Variants in NLRC5 observed in about 807,000 individuals in gnomAD.
NLRC5 encodes protein NLRC5.
In NLRC5, 114 loss-of-function variants were observed where a neutral mutation model predicts 206.9. That is an observed-to-expected ratio of 0.55 (90% CI 0.47 to 0.64). The LOEUF is 0.64. Among genes scored for constraint, NLRC5 ranks in the 30% least tolerant of loss-of-function variants. The pLI, the probability that NLRC5 is intolerant of heterozygous loss-of-function variation, is 0.00. For synonymous variants in NLRC5, 952 were observed against 962.8 expected (o/e 0.99, Z 0.21); for missense variants, 2,008 against 2,305.5 (o/e 0.87, Z 2.64).
At position 57,047,624 on chromosome 16, in the gene NLRC5, C is replaced by T. The variant is rs775211935; in HGVS notation, c.3418C>T (p.Leu1140=). ...GAAGGACTGCCCGGGACCCCTGGAA[C>T]TGCAGTAAGTAACGAGGACACAGCC... ...TLKDCPGPLE[L]QLSCEFLSDQ... Residue 1140 remains leucine, a synonymous_variant, in exon 23 of 49, where the codon CTG becomes TTG. Coordinates refer to ENST00000688547, the MANE Select transcript of NLRC5 (RefSeq NM_001384950.1). The T allele has an allele frequency of 6.2e-7, 1 of 1,612,624 alleles. No individual in the cohort carries two copies. Among genetic ancestry groups the T allele is most frequent in the Non-Finnish European group, 8.5e-7 (1 of 1,179,332 alleles).
Position 57,080,481 on chromosome 16 carries a change from ATT to A in NLRC5, c.5322-597_5322-596del, listed in dbSNP as rs34595999. Among the ~76,000 whole-genome samples the A allele has an allele frequency of 9.4e-4, 105 of 111,156 alleles. 2 individuals carry two copies. Among genetic ancestry groups the A allele is most frequent in the Admixed American group, 2.3e-3 (21 of 9,066 alleles). The allele number at this position is 111,156 out of a possible 152,430, so 72.9% of individuals were successfully genotyped here. On this transcript the variant is annotated intron_variant, in intron 46 of 48. Coordinates refer to ENST00000688547, the MANE Select transcript of NLRC5 (RefSeq NM_001384950.1). Reference sequence around the variant, plus strand: ...GTAGCAATAAAAGTTTCCTTTCAAGATTTTTTTTTTTTTTTTTTTTTGAGATG... The same window carrying A: ...GTAGCAATAAAAGTTTCCTTTCAAGATTTTTTTTTTTTTTTTTTTGAGATG...
At chr16:56,997,644 G>A (rs978224120) in intron 1 of NLRC5, among the ~76,000 whole-genome samples, 6 of 151,970 alleles carry the variant, frequency 3.9e-5, no homozygotes, top group Non-Finnish European at 7.4e-5. Context: ...ACAATATCAC[G>A]GCTTACTGCG....
In NLRC5 at chr16:57,082,783, T is replaced by C. The variant is rs1404961181; in HGVS notation, c.*255T>C. On this transcript the variant is annotated 3_prime_UTR_variant, in exon 49 of 49. Coordinates refer to ENST00000688547, the MANE Select transcript of NLRC5 (RefSeq NM_001384950.1). ...TCAATTGGGGACATGCGACACACAA[T>C]GAGGGTGTCATGACAATGCATGACA... 2 of 390,080 alleles carry C rather than the reference T, an allele frequency of 5.1e-6. No homozygotes were observed. Among genetic ancestry groups the C allele is most frequent in the Admixed American group, 4.5e-5 (1 of 22,354 alleles). 24.2% of individuals were successfully genotyped at this position (390,080 alleles called of 1,614,324 possible).
At position 57,082,618 on chromosome 16, in the gene NLRC5, G is replaced by A. The variant is rs1445132135; in HGVS notation, c.*90G>A. 2 of 966,722 alleles carry A rather than the reference G, an allele frequency of 2.1e-6. No homozygotes were observed. The highest frequency in any genetic ancestry group is 2.5e-5 in the East Asian group (1 of 40,140). 59.9% of individuals were successfully genotyped at this position (966,722 alleles called of 1,614,324 possible). A position where few individuals can be genotyped will look rare whatever the true frequency, so the allele number is the denominator to read the frequency against. On this transcript the variant is annotated 3_prime_UTR_variant, in exon 49 of 49. Coordinates refer to ENST00000688547, the MANE Select transcript of NLRC5 (RefSeq NM_001384950.1). Reference sequence around the variant, plus strand: ...CTGGGATAATTGACTCAGGAAAGAAGAGCCTCGGCAGGGCGCTCTGCACTC... The same window carrying A: ...CTGGGATAATTGACTCAGGAAAGAAAAGCCTCGGCAGGGCGCTCTGCACTC...
At position 57,079,183 on chromosome 16, in the gene NLRC5, TG is replaced by T. The variant is rs765484904; in HGVS notation, c.5166-33del. The T allele has an allele frequency of 1.9e-6, 3 of 1,613,814 alleles. No individual in the cohort carries two copies. The African/African-American group carries it at 4.0e-5, about 22-fold the overall frequency. On this transcript the variant is annotated intron_variant, in intron 44 of 48. Coordinates refer to ENST00000688547, the MANE Select transcript of NLRC5 (RefSeq NM_001384950.1). Reference sequence around the variant, plus strand: ...GCACGGGGACAGTCCTGGGCGGGTCTGGGGGTTCCTCTCACAGGTATCTCCC... The same window carrying T: ...GCACGGGGACAGTCCTGGGCGGGTCTGGGGTTCCTCTCACAGGTATCTCCC...
At chr16:57,003,149 T>C (rs1336335787) in intron 1 of NLRC5, among the ~76,000 whole-genome samples, 1 of 152,142 alleles carries the variant, frequency 6.6e-6, no homozygotes, top group Non-Finnish European at 1.5e-5. Context: ...CGCCTCCGTC[T>C]CTTGGGTTCA....
intron 8 of NLRC5, 81 bp from the exon 9 acceptor site, chr16:57,029,692 G>T: frequency 1.8e-6 from 2 of 1,114,000 alleles, no homozygotes; most frequent in East Asian, 4.9e-5. Flanking sequence ...ACATGAGGGT[G>T]GCCATCCTGT....
intron 30 of NLRC5, among the ~76,000 whole-genome samples, chr16:57,060,024 GTTA>G (rs3995823): frequency 0.55 from 79,009 of 144,650 alleles, 23,034 homozygotes; most frequent in Non-Finnish European, 0.67. Flanking sequence ...TATTGTAACT[GTTA>G]TTATTATTAT....
intron 35 of NLRC5, 53 bp downstream of exon 35, chr16:57,067,523 T>C (rs747078165): frequency 1.6e-4 from 243 of 1,540,308 alleles, no homozygotes; most frequent in Non-Finnish European, 2.1e-4. Flanking sequence ...TTGACCCTGG[T>C]ACCTACTCCA....
Position 57,077,886 on chromosome 16 carries a change from G to C in NLRC5, c.5004-57G>C, listed in dbSNP as rs1237443713. 5.6e-6 allele frequency: 9 copies of C among 1,607,198 alleles called. No homozygotes were observed. In the Admixed American group the frequency reaches 1.5e-4, roughly 27 times the overall value. On this transcript the variant is annotated intron_variant, in intron 42 of 48. Coordinates refer to ENST00000688547, the MANE Select transcript of NLRC5 (RefSeq NM_001384950.1). ...TCTCCCGCAGTGGGCACAGGGCAGG[G>C]CGGGGGTCCCGAGTGGGCAGGCCCA... is the stretch of plus-strand genomic sequence containing the variant.
intron 36 of NLRC5, 64 bp from the exon 37 acceptor site, chr16:57,069,772 C>A: frequency 7.5e-7 from 1 of 1,334,390 alleles, no homozygotes; most frequent in Non-Finnish European, 1.1e-6. Flanking sequence ...CTGCCACCAG[C>A]ATTCAGAGCT....
chr16:56,992,053 CGGA>C (rs1227648799), intron 1 of NLRC5: 1 of 151,990 alleles, frequency 6.6e-6, no homozygotes, highest in Non-Finnish European at 1.5e-5. Flanking sequence ...CAATCATGGA[CGGA>C]GGAGGAAGAG....
intron 1 of NLRC5, among the ~76,000 whole-genome samples, chr16:57,002,096 T>C (rs771219025): frequency 2.0e-5 from 3 of 152,242 alleles, no homozygotes; most frequent in Non-Finnish European, 2.9e-5. Flanking sequence ...TTCTTTTTGA[T>C]GGCTGAATAG....
At position 57,041,577 on chromosome 16, in the gene NLRC5, G is replaced by T. The variant is rs2063292268; in HGVS notation, c.3029+3G>T. The stretch of plus-strand genomic sequence containing the variant: ...CACCTCGGTCACCTCCACCTCGAGT[G>T]AGTGGTTTGTGTGTTGGAAGGTGGG... On this transcript the variant is annotated splice_donor_region_variant and intron_variant, in intron 18 of 48. Coordinates refer to ENST00000688547, the MANE Select transcript of NLRC5 (RefSeq NM_001384950.1). The T allele has an allele frequency of 6.2e-7, 1 of 1,613,562 alleles. No homozygotes were observed.
Position 57,028,135 on chromosome 16 carries a change from G to A in NLRC5, c.2139G>A (p.Met713Ile), listed in dbSNP as rs1245254304. Residue 713 changes from methionine to isoleucine, a missense_variant, in exon 7 of 49, where the codon ATG becomes ATA. Transcript: ENST00000688547. ...AEALSRSLPTMGRLQMLGLAG... is the reference protein window; with the variant it reads ...AEALSRSLPTIGRLQMLGLAG... ...CCCTCTCCAGGAGCTTGCCGACAATGGGGAGGCTGCAGATGCTGGGGTGAG... is the reference window on the plus strand; with the variant it reads ...CCCTCTCCAGGAGCTTGCCGACAATAGGGAGGCTGCAGATGCTGGGGTGAG... The A allele has an allele frequency of 6.2e-7, 1 of 1,613,398 alleles. No homozygotes were observed. The highest frequency in any genetic ancestry group is 1.1e-5 in the South Asian group (1 of 91,016).
At chr16:57,048,964 C>G (rs1393460384) in intron 23 of NLRC5, among the ~76,000 whole-genome samples, 1 of 152,178 alleles carries the variant, frequency 6.6e-6, no homozygotes, top group Non-Finnish European at 1.5e-5. Context: ...ACGGGACGAG[C>G]TGCAAGTTAC....
At chr16:57,030,689 C>T (rs902964116) in intron 10 of NLRC5, among the ~76,000 whole-genome samples, 1 of 152,052 alleles carries the variant, frequency 6.6e-6, no homozygotes, top group Non-Finnish European at 1.5e-5. Flanking sequence ...AACAAGTCTA[C>T]GAAGCACAGG....
At chr16:57,034,471 A>G (rs2062272609) in intron 13 of NLRC5, 1 of 547,766 alleles carries the variant, frequency 1.8e-6, no homozygotes, top group African/African-American at 1.9e-5. Context: ...CACTCCTCAC[A>G]TCTCTGTGAT....
intron 1 of NLRC5, among the ~76,000 whole-genome samples, chr16:57,011,493 G>A (rs2059494746): frequency 6.6e-6 from 1 of 152,196 alleles, no homozygotes; most frequent in Admixed American, 6.5e-5. Context: ...AGGCTGATGA[G>A]GGGAGAATCA....
Sources: gnomAD v4.1 joint callset for allele counts (sites outside exome capture counted in the v4.1 genomes callset) on GRCh38, gnomAD v4.1.1 for gene constraint, MANE v1.5 for transcripts, NCBI Gene and HGNC (gene_info 2026-07-23, HGNC 2026-07-21) for gene names.